GNAT3: variants seen among roughly 807,000 people sequenced by gnomAD.
The protein encoded by GNAT3 is guanine nucleotide-binding protein G(t) subunit alpha-3.
A neutral mutation model predicts 37.7 loss-of-function variants in GNAT3; 31 were observed. The observed-to-expected ratio is 0.82, with a 90% confidence interval of 0.62 to 1.11. The LOEUF (loss-of-function observed/expected upper bound fraction) is 1.11, where lower values mean the gene tolerates loss of function less well. GNAT3 is among the 50% of genes most tolerant of loss of function. GNAT3 has a pLI of 0.00. For synonymous variants in GNAT3, 138 were observed against 139.8 expected, an observed-to-expected ratio of 0.99 and a Z score of 0.09; for missense variants, 437 against 412.5, an observed-to-expected ratio of 1.06 and a Z score of -0.51.
intron 5 of GNAT3, among the ~76,000 whole-genome samples, chr7:80,464,127 T>C (rs1417789199): frequency 6.6e-6 from 1 of 151,378 alleles, no homozygotes; most frequent in East Asian, 2.0e-4. Context: ...AAATAGACTT[T>C]AGATATCCTA....
intron 5 of GNAT3, among the ~76,000 whole-genome samples, chr7:80,473,118 T>C (rs1356997400): frequency 6.6e-6 from 1 of 152,058 alleles, no homozygotes; most frequent in Non-Finnish European, 1.5e-5. Flanking sequence ...AACTATACAA[T>C]AGTGAAGCCA....
At chr7:80,479,312 CA>C (rs1790353130) in intron 3 of GNAT3, among the ~76,000 whole-genome samples, 1 of 151,700 alleles carries the variant, frequency 6.6e-6, no homozygotes. Flanking sequence ...ACTAAGTTTG[CA>C]AAAGGTCTAC....
chr7:80,500,590 A>T (rs368365251), intron 1 of GNAT3, among the ~76,000 whole-genome samples: 1 of 152,034 alleles, frequency 6.6e-6, no homozygotes, highest in African/African-American at 2.4e-5. Context: ...CCTATTAATC[A>T]TAAGTCCTTG....
rs71079119 is a variant in GNAT3 at position 80,482,689 on chromosome 7, ATTTTTTTT to A, written c.304-3699_304-3692del. Among the ~76,000 whole-genome samples the A allele has an allele frequency of 2.1e-3, 238 of 114,108 alleles. 2 individuals are homozygous for A. In the Middle Eastern group the frequency reaches 0.034, roughly 16 times the overall value. The allele number at this position is 114,108 out of a possible 152,430, so 74.9% of individuals were successfully genotyped here. ...CCACCACACCCAGCTAATTTTTGTA[ATTTTTTTT>A]TTTTTTTTTTTTTTTAGTAGGGTCG... On this transcript the variant is annotated intron_variant, in intron 3 of 7. Coordinates refer to ENST00000398291, the MANE Select transcript of GNAT3 (RefSeq NM_001102386.3).
chr7:80,463,522 T>C (rs1311942526), intron 5 of GNAT3, among the ~76,000 whole-genome samples: 1 of 152,126 alleles, frequency 6.6e-6, no homozygotes, highest in Non-Finnish European at 1.5e-5. Flanking sequence ...TTAGCATCAA[T>C]ATCTCCTCCA....
chr7:80,480,785 G>C (rs1297391351), intron 3 of GNAT3, among the ~76,000 whole-genome samples: 1 of 152,058 alleles, frequency 6.6e-6, no homozygotes, highest in African/African-American at 2.4e-5. Context: ...CTTGGTTTGG[G>C]TGGGTTTGGG....
Position 80,458,719 on chromosome 7 carries a change from A to G in GNAT3, c.1017T>C (p.Val339=), listed in dbSNP as rs574621579. The G allele has an allele frequency of 9.4e-6, 15 of 1,596,026 alleles. No homozygotes were observed. In the South Asian group the frequency reaches 1.6e-4, roughly 17 times the overall value. The change falls in exon 8 of 8, where the codon GTT becomes GTC. Residue 339 remains valine, a synonymous_variant. Coordinates refer to ENST00000398291, the MANE Select transcript of GNAT3 (RefSeq NM_001102386.3). ...TQNVKFVFDA[V]TDIIIKENLK... Reference sequence around the variant, plus strand: ...GATTCTCTTTGATTATTATATCTGTAACTGCGTCAAACACAAACTTGACAT... The same window carrying G: ...GATTCTCTTTGATTATTATATCTGTGACTGCGTCAAACACAAACTTGACAT...
intron 1 of GNAT3, among the ~76,000 whole-genome samples, chr7:80,511,014 C>A (rs985347172): frequency 1.3e-5 from 2 of 151,986 alleles, no homozygotes; most frequent in Non-Finnish European, 2.9e-5. Flanking sequence ...TATAGGTCAT[C>A]ATTTTTATTT....
At chr7:80,509,668 G>C (rs976927446) in intron 1 of GNAT3, among the ~76,000 whole-genome samples, 1 of 151,960 alleles carries the variant, frequency 6.6e-6, no homozygotes, top group African/African-American at 2.4e-5. Context: ...CTGTGGAGTG[G>C]TAAAATTTAC....
chr7:80,459,466 A>C (rs1370678819), intron 7 of GNAT3, among the ~76,000 whole-genome samples: 1 of 152,208 alleles, frequency 6.6e-6, no homozygotes, highest in Non-Finnish European at 1.5e-5. Flanking sequence ...GTTACTAACA[A>C]AACAAAGGAG....
chr7:80,474,186 C>A, intron 5 of GNAT3, 65 bp downstream of exon 5: 1 of 1,507,472 alleles, frequency 6.6e-7, no homozygotes, highest in Non-Finnish European at 9.1e-7. Flanking sequence ...GAGCTTTTCT[C>A]CATGAGGAAA....
At chr7:80,463,131 G>T (rs1401975593) in intron 5 of GNAT3, among the ~76,000 whole-genome samples, 2 of 152,064 alleles carry the variant, frequency 1.3e-5, no homozygotes, top group Non-Finnish European at 2.9e-5. Context: ...AAAAGATATG[G>T]TCCCTATCTT....
At chr7:80,491,404 G>A (rs540881800) in intron 2 of GNAT3, among the ~76,000 whole-genome samples, 1 of 152,300 alleles carries the variant, frequency 6.6e-6, no homozygotes, top group African/African-American at 2.4e-5. Context: ...GTGTGAGTTT[G>A]AAAGAAATAT....
rs538683869 is a variant in GNAT3 at position 80,478,018 on chromosome 7, C to T, written c.461+823G>A. 1.5e-4 allele frequency among the ~76,000 whole-genome samples: 23 copies of T among 152,306 alleles called. No homozygotes were observed. In the South Asian group the frequency reaches 4.8e-3, roughly 32 times the overall value. Reference sequence around the variant, plus strand: ...CTTGACCTCCTGCGCTCAAGCAATCCTTCTGTCTCAGCTTCCCAAGTAGCT... The same window carrying T: ...CTTGACCTCCTGCGCTCAAGCAATCTTTCTGTCTCAGCTTCCCAAGTAGCT... On this transcript the variant is annotated intron_variant, in intron 4 of 7. Transcript: ENST00000398291.
intron 1 of GNAT3, among the ~76,000 whole-genome samples, chr7:80,506,184 T>A (rs988873604): frequency 6.6e-6 from 1 of 152,126 alleles, no homozygotes; most frequent in Non-Finnish European, 1.5e-5. Context: ...CGAATGAAAA[T>A]ATGCGAATAT....
intron 1 of GNAT3, among the ~76,000 whole-genome samples, chr7:80,503,034 A>C (rs1209976184): frequency 6.6e-6 from 1 of 152,218 alleles, no homozygotes; most frequent in Non-Finnish European, 1.5e-5. Context: ...GCCATAGTAT[A>C]GCCAGGGTAG....
rs1790892121 is a variant in GNAT3 at position 80,504,381 on chromosome 7, G to A, written c.118+7428C>T. Among the ~76,000 whole-genome samples the A allele has an allele frequency of 3.3e-5, 5 of 151,976 alleles. No individual in the cohort carries two copies. The South Asian group carries it at 8.4e-4, about 25-fold the overall frequency. ...TTGGCCATTATCTGCACTCTGTGAGGGATAACTTTTTACTAGAGAAGAGCA... is the reference window on the plus strand; with the variant it reads ...TTGGCCATTATCTGCACTCTGTGAGAGATAACTTTTTACTAGAGAAGAGCA... On this transcript the variant is annotated intron_variant, in intron 1 of 7. Transcript: ENST00000398291.
chr7:80,492,638 T>C (rs1250711518), intron 2 of GNAT3, among the ~76,000 whole-genome samples: 4 of 151,678 alleles, frequency 2.6e-5, no homozygotes, highest in Admixed American at 6.6e-5. Context: ...TTTTATATTA[T>C]TGAATTATTT....
chr7:80,476,088 C>T (rs879582018), intron 4 of GNAT3, among the ~76,000 whole-genome samples: 2 of 150,610 alleles, frequency 1.3e-5, no homozygotes, highest in African/African-American at 4.9e-5. Flanking sequence ...AAAAAGAAAA[C>T]AAAAAAAACC....
Sources: gnomAD v4.1 joint callset for allele counts (sites outside exome capture counted in the v4.1 genomes callset) on GRCh38, gnomAD v4.1.1 for gene constraint, MANE v1.5 for transcripts, NCBI Gene and HGNC (gene_info 2026-07-23, HGNC 2026-07-21) for gene names.